UCK2: variants seen among roughly 807,000 people sequenced by gnomAD.
UCK2 encodes the protein cytidine monophosphokinase 2.
In UCK2, 6 loss-of-function variants were observed where a neutral mutation model predicts 30.8. The observed-to-expected ratio is 0.19, with a 90% CI of 0.11 to 0.38. The LOEUF (loss-of-function observed/expected upper bound fraction) is 0.38. Ranked by LOEUF, UCK2 falls within the 10% of genes least tolerant of loss-of-function variation. The pLI, the probability that UCK2 is intolerant of heterozygous loss-of-function variation, is 1.00. For synonymous variants in UCK2, 125 were observed against 133.6 expected, an observed-to-expected ratio of 0.94 and a Z score of 0.45; for missense variants, 210 against 339.8, an observed-to-expected ratio of 0.62 and a Z score of 3.00.
chr1:165,894,105 C>G (rs1236933603), intron 3 of UCK2: 1 of 152,154 alleles, frequency 6.6e-6, no homozygotes, highest in Non-Finnish European at 1.5e-5. Context: ...CTCTCTCCCC[C>G]TGCCATATTA....
chr1:165,891,470 T>C, intron 3 of UCK2, 148 bp downstream of exon 3: 1 of 686,036 alleles, frequency 1.5e-6, no homozygotes, highest in South Asian at 1.8e-5. Flanking sequence ...GTGGAGTGGG[T>C]GGTGGCAGCA....
rs562209919 is a variant in UCK2 at position 165,879,787 on chromosome 1, A to G, written c.100-10417A>G. Among the ~76,000 whole-genome samples, 18 of 152,226 alleles carry G rather than the reference A, an allele frequency of 1.2e-4. No homozygotes were observed. The South Asian group carries it at 3.5e-3, about 30-fold the overall frequency. On this transcript the variant is annotated intron_variant, in intron 1 of 6. Coordinates refer to ENST00000367879, the MANE Select transcript of UCK2 (RefSeq NM_012474.5). ...ACAGTCGAGGGAATTGAGACAGCCA[A>G]TAGAGGACTTGAACCCCTTTCTTCA...
intron 1 of UCK2, among the ~76,000 whole-genome samples, chr1:165,851,924 T>C (rs1456448047): frequency 1.3e-5 from 2 of 152,232 alleles, no homozygotes; most frequent in Non-Finnish European, 2.9e-5. Context: ...ACATGATCTT[T>C]ATGGCTGCAT....
intron 1 of UCK2, among the ~76,000 whole-genome samples, chr1:165,847,333 C>G (rs1481236060): frequency 6.6e-6 from 1 of 152,032 alleles, no homozygotes; most frequent in Admixed American, 6.6e-5. Context: ...GAAATGTTTT[C>G]TGGTATATGG....
intron 1 of UCK2, among the ~76,000 whole-genome samples, chr1:165,854,590 CT>C (rs1012673612): frequency 6.9e-6 from 1 of 144,148 alleles, no homozygotes; most frequent in African/African-American, 2.6e-5. Context: ...ACTAGGCTTC[CT>C]TTTTTAAAAA....
At chr1:165,839,943 CCAGA>C in intron 1 of UCK2, among the ~76,000 whole-genome samples, 1 of 152,318 alleles carries the variant, frequency 6.6e-6, no homozygotes, top group East Asian at 1.9e-4. Flanking sequence ...GGCCCCCGCC[CCAGA>C]CAGAGTCCTG....
intron 1 of UCK2, among the ~76,000 whole-genome samples, chr1:165,888,175 TTTG>T (rs199604527): frequency 2.3e-4 from 35 of 152,298 alleles, no homozygotes; most frequent in South Asian, 1.5e-3. Context: ...ATTTCATATT[TTTG>T]TTGTTGTTGT....
At chr1:165,879,426 A>G (rs1445139377) in intron 1 of UCK2, among the ~76,000 whole-genome samples, 1 of 152,146 alleles carries the variant, frequency 6.6e-6, no homozygotes, top group Middle Eastern at 3.2e-3. Context: ...CATCTTTGTC[A>G]TATCAGTTAT....
At chr1:165,874,892 C>T (rs7522968) in intron 1 of UCK2, among the ~76,000 whole-genome samples, 9 of 152,088 alleles carry the variant, frequency 5.9e-5, no homozygotes, top group Admixed American at 5.9e-4. Context: ...TTTTTCTTTC[C>T]TGGTACATAA....
At chr1:165,862,094 A>G (rs1313746382) in intron 1 of UCK2, among the ~76,000 whole-genome samples, 1 of 151,988 alleles carries the variant, frequency 6.6e-6, no homozygotes, top group African/African-American at 2.4e-5. Context: ...GTGCTAAATC[A>G]TCCTTGCTAA....
At chr1:165,835,129 G>A (rs1654154687) in intron 1 of UCK2, among the ~76,000 whole-genome samples, 1 of 152,046 alleles carries the variant, frequency 6.6e-6, no homozygotes, top group Non-Finnish European at 1.5e-5. Flanking sequence ...CTTTTCCCTG[G>A]GAGTGGAGAT....
intron 1 of UCK2, among the ~76,000 whole-genome samples, chr1:165,833,861 C>T (rs1654117070): frequency 1.3e-5 from 2 of 151,964 alleles, no homozygotes; most frequent in South Asian, 4.2e-4. Context: ...TCCATTAAAC[C>T]ATTTCAGTCA....
At chr1:165,854,733 A>T (rs572244062) in intron 1 of UCK2, among the ~76,000 whole-genome samples, 1 of 152,140 alleles carries the variant, frequency 6.6e-6, no homozygotes, top group African/African-American at 2.4e-5. Context: ...TCAGTCCTTT[A>T]CGCTGAAGCA....
At chr1:165,842,455 C>T (rs911867836) in intron 1 of UCK2, among the ~76,000 whole-genome samples, 1 of 152,204 alleles carries the variant, frequency 6.6e-6, no homozygotes. Flanking sequence ...AGACCTGCTG[C>T]TCTACCTGTA....
At chr1:165,838,513 A>C (rs1381217512) in intron 1 of UCK2, among the ~76,000 whole-genome samples, 1 of 152,120 alleles carries the variant, frequency 6.6e-6, no homozygotes, top group Non-Finnish European at 1.5e-5. Flanking sequence ...AACATTAGAC[A>C]CTCAAATATC....
intron 3 of UCK2, among the ~76,000 whole-genome samples, chr1:165,893,503 G>A (rs1434265100): frequency 2.6e-5 from 4 of 152,168 alleles, no homozygotes; most frequent in East Asian, 1.9e-4. Flanking sequence ...ACCCATGGGC[G>A]TTTGGTACAA....
intron 1 of UCK2, among the ~76,000 whole-genome samples, chr1:165,847,472 C>T (rs902366093): frequency 2.0e-5 from 3 of 152,182 alleles, no homozygotes; most frequent in African/African-American, 7.2e-5. Flanking sequence ...GAAACAACCA[C>T]TTTTAAATCC....
intron 1 of UCK2, among the ~76,000 whole-genome samples, chr1:165,886,997 C>T (rs1185154054): frequency 6.6e-6 from 1 of 152,168 alleles, no homozygotes; most frequent in Non-Finnish European, 1.5e-5. Context: ...TTTTATTTAT[C>T]TCCTTCCTGA....
intron 1 of UCK2, among the ~76,000 whole-genome samples, chr1:165,861,951 T>G (rs930894519): frequency 5.9e-5 from 9 of 152,230 alleles, no homozygotes; most frequent in African/African-American, 2.2e-4. Context: ...GATAATTAGC[T>G]GGCAGTCCTT....
Sources: allele counts gnomAD v4.1 joint callset (sites outside exome capture counted in the v4.1 genomes callset), GRCh38; gene constraint gnomAD v4.1.1; transcripts MANE v1.5; gene names NCBI Gene and HGNC (gene_info 2026-07-23, HGNC 2026-07-21).